Variants in PEX7 observed in about 807,000 individuals in gnomAD.
PEX7 encodes peroxisomal biogenesis factor 7, also known as PTS2 receptor.
Under a neutral mutation model 47.5 loss-of-function variants are expected in PEX7, and 34 were observed. The observed-to-expected ratio is 0.72, with a 90% CI of 0.54 to 0.95. The LOEUF is 0.95. Among genes scored for constraint, PEX7 ranks in the 40% least tolerant of loss-of-function variants. The pLI, the probability that PEX7 is intolerant of heterozygous loss-of-function variation, is 0.00. For synonymous variants in PEX7, 141 were observed against 148.8 expected (o/e 0.95, Z 0.38); for missense variants, 394 against 400.3 (o/e 0.98, Z 0.13).
chr6:136,837,221 G>A (rs1371574483), intron 3 of PEX7, among the ~76,000 whole-genome samples: 4 of 151,790 alleles, frequency 2.6e-5, no homozygotes, highest in South Asian at 2.1e-4. Context: ...AAAATTAGCC[G>A]GGTGTGGTGG....
chr6:136,873,882 G>C (rs1362794319), intron 8 of PEX7, among the ~76,000 whole-genome samples: 2 of 152,158 alleles, frequency 1.3e-5, no homozygotes, highest in East Asian at 3.9e-4. Flanking sequence ...CATTTATGGA[G>C]ATAATCATGA....
At chr6:136,858,765 T>G (rs1198329569) in intron 5 of PEX7, among the ~76,000 whole-genome samples, 2 of 152,194 alleles carry the variant, frequency 1.3e-5, no homozygotes, top group African/African-American at 2.4e-5. Context: ...ACAGAATGGT[T>G]TCAGTGCCGA....
rs80295376 is a variant in PEX7 at position 136,840,708 on chromosome 6, C to T, written c.340-4907C>T. 1.9e-3 allele frequency among the ~76,000 whole-genome samples: 295 copies of T among 152,292 alleles called. 1 individual carries two copies. The highest frequency in any genetic ancestry group is 3.0e-3 in the Non-Finnish European group (201 of 68,018). On this transcript the variant is annotated intron_variant, in intron 3 of 9. Coordinates refer to ENST00000318471, the MANE Select transcript of PEX7 (RefSeq NM_000288.4). ...ATGGTTGTAACCTCTTAAGAGAAATCATAGACAAATTCTTAGCCATAGCCC... is the reference window on the plus strand; with the variant it reads ...ATGGTTGTAACCTCTTAAGAGAAATTATAGACAAATTCTTAGCCATAGCCC...
chr6:136,867,515 T>A (rs531534068), intron 6 of PEX7, among the ~76,000 whole-genome samples: 13 of 151,774 alleles, frequency 8.6e-5, no homozygotes, highest in East Asian at 7.7e-4. Context: ...AAAAAAAAAA[T>A]TAAATAGAAA....
intron 8 of PEX7, among the ~76,000 whole-genome samples, chr6:136,890,105 T>C (rs1470774175): frequency 6.6e-6 from 1 of 152,208 alleles, no homozygotes; most frequent in Non-Finnish European, 1.5e-5. Context: ...GTCAAGAGTG[T>C]GGCAACACTA....
intron 3 of PEX7, among the ~76,000 whole-genome samples, chr6:136,832,227 G>C (rs1350049586): frequency 1.3e-5 from 2 of 152,256 alleles, no homozygotes; most frequent in Non-Finnish European, 2.9e-5. Flanking sequence ...AAGCTGCCAA[G>C]GTTTAGGGCT....
chr6:136,863,636 A>G (rs1775005560), intron 5 of PEX7, among the ~76,000 whole-genome samples: 1 of 152,154 alleles, frequency 6.6e-6, no homozygotes, highest in Non-Finnish European at 1.5e-5. Context: ...GGCTGGATGC[A>G]GTGGCTCACA....
chr6:136,846,231 C>A (rs1192135461), intron 5 of PEX7, 50 bp downstream of exon 5: 1 of 1,127,192 alleles, frequency 8.9e-7, no homozygotes, highest in East Asian at 2.4e-5. Context: ...GAATGGTGGC[C>A]TTGTTTTTAC....
intron 9 of PEX7, among the ~76,000 whole-genome samples, chr6:136,910,243 G>A (rs1775912089): frequency 6.6e-6 from 1 of 152,130 alleles, no homozygotes; most frequent in African/African-American, 2.4e-5. Context: ...ATAAGACATG[G>A]TCCATGCCCT....
At chr6:136,891,228 G>GT (rs1775547174) in intron 8 of PEX7, among the ~76,000 whole-genome samples, 1 of 152,126 alleles carries the variant, frequency 6.6e-6, no homozygotes, top group Non-Finnish European at 1.5e-5. Flanking sequence ...TGTGGTATGT[G>GT]GTTCCCGGGC....
At chr6:136,850,988 T>C (rs1319769146) in intron 5 of PEX7, among the ~76,000 whole-genome samples, 3 of 116,830 alleles carry the variant, frequency 2.6e-5, no homozygotes, top group Non-Finnish European at 5.3e-5. Flanking sequence ...TTATTTTTTT[T>C]TTATTTTTAA....
intron 9 of PEX7, among the ~76,000 whole-genome samples, chr6:136,906,579 T>C (rs189530390): frequency 5.5e-4 from 84 of 152,204 alleles, no homozygotes; most frequent in Middle Eastern, 3.4e-3. Flanking sequence ...GAAGATTATG[T>C]TACTTTGCTA....
intron 7 of PEX7, chr6:136,870,759 C>T (rs868240635): frequency 7.4e-6 from 3 of 407,804 alleles, no homozygotes; most frequent in East Asian, 9.6e-5. Flanking sequence ...CACCCAGACA[C>T]GATCTCAGCT....
intron 3 of PEX7, among the ~76,000 whole-genome samples, chr6:136,830,436 A>G (rs1221962951): frequency 1.3e-5 from 2 of 152,226 alleles, no homozygotes; most frequent in African/African-American, 2.4e-5. Context: ...TGAGGAGTGA[A>G]GGTCTTGGTG....
chr6:136,889,247 GTAAGT>G (rs1164433552), intron 8 of PEX7, among the ~76,000 whole-genome samples: 3 of 152,034 alleles, frequency 2.0e-5, no homozygotes, highest in Non-Finnish European at 4.4e-5. Flanking sequence ...GTATACTTTT[GTAAGT>G]TAAGTACCAG....
intron 8 of PEX7, among the ~76,000 whole-genome samples, chr6:136,892,549 G>A (rs181941699): frequency 6.6e-6 from 1 of 152,216 alleles, no homozygotes; most frequent in Admixed American, 6.5e-5. Context: ...TTGAAATGAG[G>A]ATTATACCCA....
intron 8 of PEX7, among the ~76,000 whole-genome samples, chr6:136,889,152 AAG>A (rs1344035746): frequency 6.6e-6 from 1 of 152,188 alleles, no homozygotes. Context: ...TATGTCCCGA[AAG>A]AGTTTTTCCA....
intron 8 of PEX7, among the ~76,000 whole-genome samples, chr6:136,893,370 C>T (rs1165589779): frequency 2.0e-5 from 3 of 152,218 alleles, no homozygotes; most frequent in Non-Finnish European, 2.9e-5. Flanking sequence ...TGCTCTTCTG[C>T]TGTCTCCCTG....
chr6:136,904,938 C>G (rs1418771666), intron 9 of PEX7, among the ~76,000 whole-genome samples: 1 of 152,184 alleles, frequency 6.6e-6, no homozygotes, highest in Non-Finnish European at 1.5e-5. Flanking sequence ...ACCCACCAAA[C>G]ATACTGACTA....
Sources: allele counts gnomAD v4.1 joint callset (sites outside exome capture counted in the v4.1 genomes callset), GRCh38; gene constraint gnomAD v4.1.1; transcripts MANE v1.5; gene names NCBI Gene and HGNC (gene_info 2026-07-23, HGNC 2026-07-21).